TMEM132D: variants seen among roughly 807,000 people sequenced by gnomAD.
The protein encoded by TMEM132D is mature OL transmembrane protein.
In TMEM132D, 21 loss-of-function variants were observed where a neutral mutation model predicts 62.3. The ratio of observed to expected loss-of-function variants is 0.34; its 90% CI spans 0.24 to 0.49. The LOEUF (loss-of-function observed/expected upper bound fraction) is 0.49. TMEM132D is among the 20% of genes least tolerant of loss of function. TMEM132D has a pLI of 0.99. For synonymous variants in TMEM132D, 621 were observed against 575.6 expected (o/e 1.08, Z -1.13); for missense variants, 1,346 against 1,402.8 (o/e 0.96, Z 0.65).
chr12:129,519,950 A>G (rs956483622), intron 3 of TMEM132D, among the ~76,000 whole-genome samples: 2 of 152,286 alleles, frequency 1.3e-5, no homozygotes, highest in East Asian at 3.9e-4. Flanking sequence ...CAACCAGGAG[A>G]AAACATAAAT....
At chr12:129,644,984 T>TAAAA (rs749612311) in intron 2 of TMEM132D, among the ~76,000 whole-genome samples, 23 of 63,406 alleles carry the variant, frequency 3.6e-4, no homozygotes, top group African/African-American at 4.3e-4. Flanking sequence ...ATAGTCCATC[T>TAAAA]AAAAAAAAAA....
rs77363876 is a variant in TMEM132D, at chr12:129,081,924, C to T, written c.1758G>A (p.Glu586=). ...CCAGGTGTCCCCCAGGGCCGGCCGCCTCAGCCACAAACTGCGTCAGGACCC... is the reference window on the plus strand; with the variant it reads ...CCAGGTGTCCCCCAGGGCCGGCCGCTTCAGCCACAAACTGCGTCAGGACCC... ...MVRVLTQFVA[E]AAGPGGHLAH... Residue 586 remains glutamate, a synonymous_variant, in exon 7 of 9, where the codon GAG becomes GAA. Coordinates refer to ENST00000422113, the MANE Select transcript of TMEM132D (RefSeq NM_133448.3). 45,636 of 1,614,040 alleles carry T rather than the reference C, an allele frequency of 0.028. 2,385 individuals carry two copies. The highest frequency in any genetic ancestry group is 0.2 in the Admixed American group (11,710 of 60,002).
chr12:129,859,139 C>T (rs542390087), intron 1 of TMEM132D, among the ~76,000 whole-genome samples: 4 of 152,092 alleles, frequency 2.6e-5, no homozygotes, highest in South Asian at 4.1e-4. Context: ...CGTGAGGACA[C>T]GGTGAGAAGG....
At chr12:129,417,395 A>C (rs1359161225) in intron 3 of TMEM132D, among the ~76,000 whole-genome samples, 1 of 152,198 alleles carries the variant, frequency 6.6e-6, no homozygotes, top group African/African-American at 2.4e-5. Context: ...AAATAACACC[A>C]CACATCTACA....
chr12:129,688,189 T>C (rs1880977134), intron 2 of TMEM132D, among the ~76,000 whole-genome samples: 1 of 152,164 alleles, frequency 6.6e-6, no homozygotes, highest in African/African-American at 2.4e-5. Flanking sequence ...GTGGCATTTT[T>C]CACAAACAGG....
At chr12:129,627,851 G>A (rs1879260866) in intron 2 of TMEM132D, among the ~76,000 whole-genome samples, 1 of 152,034 alleles carries the variant, frequency 6.6e-6, no homozygotes, top group African/African-American at 2.4e-5. Context: ...GCCGGGCGTG[G>A]TGGCGCATGC....
intron 1 of TMEM132D, among the ~76,000 whole-genome samples, chr12:129,757,420 C>T (rs139480568): frequency 2.0e-5 from 3 of 151,968 alleles, no homozygotes; most frequent in Admixed American, 1.3e-4. Flanking sequence ...TTTCAAATAC[C>T]ATCTATATGC....
chr12:129,172,397 C>T (rs1234545318), intron 5 of TMEM132D, among the ~76,000 whole-genome samples: 1 of 152,176 alleles, frequency 6.6e-6, no homozygotes, highest in Non-Finnish European at 1.5e-5. Context: ...TTTTAATTTC[C>T]TTGAAGAAGT....
chr12:129,178,950 C>T (rs78936071), intron 5 of TMEM132D, among the ~76,000 whole-genome samples: 3,589 of 152,190 alleles, frequency 0.024, 144 homozygotes, highest in African/African-American at 0.081. Context: ...TCGCCACACC[C>T]GGGACTCTGG....
At chr12:129,184,199 G>A (rs1878155887) in intron 5 of TMEM132D, among the ~76,000 whole-genome samples, 1 of 152,172 alleles carries the variant, frequency 6.6e-6, no homozygotes, top group African/African-American at 2.4e-5. Context: ...GGTCTCTGCA[G>A]GCCACCCGCA....
intron 2 of TMEM132D, among the ~76,000 whole-genome samples, chr12:129,648,061 T>C (rs997550447): frequency 3.9e-5 from 6 of 152,158 alleles, no homozygotes; most frequent in Non-Finnish European, 7.3e-5. Context: ...GTAAAACCAA[T>C]GCATTTTTCA....
At chr12:129,753,960 C>G (rs530789195) in intron 1 of TMEM132D, among the ~76,000 whole-genome samples, 9 of 152,286 alleles carry the variant, frequency 5.9e-5, no homozygotes, top group Non-Finnish European at 1.3e-4. Flanking sequence ...CGTCAAATTC[C>G]CCTTTATGTT....
intron 5 of TMEM132D, among the ~76,000 whole-genome samples, chr12:129,134,705 C>T (rs969524570): frequency 6.6e-6 from 1 of 152,188 alleles, no homozygotes; most frequent in Non-Finnish European, 1.5e-5. Context: ...TTTCAACAGA[C>T]AGACTGGGTT....
intron 1 of TMEM132D, among the ~76,000 whole-genome samples, chr12:129,831,357 G>T (rs1189189505): frequency 6.6e-6 from 1 of 152,178 alleles, no homozygotes; most frequent in African/African-American, 2.4e-5. Flanking sequence ...CACTGAATAC[G>T]CAAATGCGAT....
intron 3 of TMEM132D, among the ~76,000 whole-genome samples, chr12:129,462,137 G>A (rs952881022): frequency 2.0e-5 from 3 of 152,146 alleles, no homozygotes; most frequent in Non-Finnish European, 4.4e-5. Context: ...CAGGAATGGT[G>A]GGAGAGAAGG....
chr12:129,318,179 G>A (rs1235389616), intron 4 of TMEM132D, among the ~76,000 whole-genome samples: 3 of 152,040 alleles, frequency 2.0e-5, no homozygotes, highest in Non-Finnish European at 4.4e-5. Flanking sequence ...ATCCATTGCT[G>A]GTGAACTAGC....
At chr12:129,708,916 T>A (rs1000813336) in intron 1 of TMEM132D, among the ~76,000 whole-genome samples, 1 of 152,066 alleles carries the variant, frequency 6.6e-6, no homozygotes, top group Non-Finnish European at 1.5e-5. Flanking sequence ...AAAAACCACA[T>A]CACATGTCCT....
intron 5 of TMEM132D, among the ~76,000 whole-genome samples, chr12:129,116,283 C>T (rs1026512446): frequency 2.6e-5 from 4 of 152,174 alleles, no homozygotes; most frequent in Non-Finnish European, 5.9e-5. Flanking sequence ...GGAAATGATA[C>T]GTGGTCACAT....
intron 5 of TMEM132D, among the ~76,000 whole-genome samples, chr12:129,184,634 A>C (rs985940153): frequency 6.6e-6 from 1 of 152,220 alleles, no homozygotes; most frequent in Non-Finnish European, 1.5e-5. Flanking sequence ...ACTGCACTTC[A>C]GGCACAATCC....
Sources: allele counts gnomAD v4.1 joint callset (sites outside exome capture counted in the v4.1 genomes callset), GRCh38; gene constraint gnomAD v4.1.1; transcripts MANE v1.5; gene names NCBI Gene and HGNC (gene_info 2026-07-23, HGNC 2026-07-21).